The following LAMB4 variants were observed in gnomAD, a reference collection of about 807,000 sequenced individuals.
The protein encoded by LAMB4 is laminin subunit beta-4.
In LAMB4, 196 loss-of-function variants were observed where a neutral mutation model predicts 199.2. The ratio of observed to expected loss-of-function variants is 0.98; its 90% CI spans 0.88 to 1.11. The LOEUF (loss-of-function observed/expected upper bound fraction) is 1.11. LAMB4 is among the 50% of genes least tolerant of loss of function. The probability of loss-of-function intolerance (pLI) is 0.00; values close to 1 mark genes in which losing one functional copy is unlikely to be tolerated. For missense variants in LAMB4, 2,080 were observed against 2,171.2 expected (o/e 0.96, Z 0.83); for synonymous variants, 744 against 770.6 (o/e 0.97, Z 0.57).
intron 14 of LAMB4, among the ~76,000 whole-genome samples, chr7:108,088,439 C>T (rs896718434): frequency 1.3e-5 from 2 of 152,206 alleles, no homozygotes; most frequent in Admixed American, 6.5e-5. Context: ...GCTGGGATTA[C>T]AGGCATGAGC....
At position 108,046,630 on chromosome 7, in the gene LAMB4, A is replaced by G. The variant is rs117908330; in HGVS notation, c.4326+1278T>C. On this transcript the variant is annotated intron_variant, in intron 28 of 33. Coordinates refer to ENST00000388781, the MANE Select transcript of LAMB4 (RefSeq NM_007356.3). ...AGGTAATTAAAAATGATGCTCATTT[A>G]TAAATGACCAGAAAAGTAAATGAAA... is the stretch of plus-strand genomic sequence containing the variant. Among the ~76,000 whole-genome samples, 570 of 152,256 alleles carry G rather than the reference A, an allele frequency of 3.7e-3. 24 individuals carry two copies. In the East Asian group the frequency reaches 0.097, roughly 26 times the overall value.
chr7:108,074,664 C>T (rs1584689565), intron 17 of LAMB4, among the ~76,000 whole-genome samples: 1 of 152,106 alleles, frequency 6.6e-6, no homozygotes, highest in Non-Finnish European at 1.5e-5. Flanking sequence ...TCACCATGCC[C>T]GGCCCAAATG....
chr7:108,080,809 T>C (rs2036901043), intron 14 of LAMB4, among the ~76,000 whole-genome samples: 1 of 151,352 alleles, frequency 6.6e-6, no homozygotes, highest in Non-Finnish European at 1.5e-5. Flanking sequence ...ACAATGTTTT[T>C]CAAACATTTA....
intron 28 of LAMB4, among the ~76,000 whole-genome samples, chr7:108,045,378 C>T (rs772459012): frequency 9.9e-5 from 15 of 152,176 alleles, no homozygotes; most frequent in South Asian, 2.1e-4. Context: ...CAACTGACTC[C>T]TGAGAATTCT....
intron 31 of LAMB4, among the ~76,000 whole-genome samples, chr7:108,031,369 G>GAAAAAAAAAAAAAAAAAAAAA (rs371230419): frequency 1.2e-5 from 1 of 81,164 alleles, no homozygotes; most frequent in Non-Finnish European, 2.5e-5. Context: ...AAAAGGAAAA[G>GAAAAAAAAAAAAAAAAAAAAA]AAAAAAAAAA....
In LAMB4 at chr7:108,098,385, C is replaced by G. The variant is rs745357579; in HGVS notation, c.1360+18G>C. On this transcript the variant is annotated intron_variant, in intron 11 of 33. Coordinates refer to ENST00000388781, the MANE Select transcript of LAMB4 (RefSeq NM_007356.3). Reference sequence around the variant, plus strand: ...AGGGGTTGATGGACACTCCCCCGACCCCCGATTATGGACTTACGCTGGCAG... The same window carrying G: ...AGGGGTTGATGGACACTCCCCCGACGCCCGATTATGGACTTACGCTGGCAG... 6.5e-7 allele frequency: 1 copy of G among 1,547,116 alleles called. No individual in the cohort carries two copies. The highest frequency in any genetic ancestry group is 8.7e-7 in the Non-Finnish European group (1 of 1,145,606).
At chr7:108,099,080 T>C (rs1310880493) in intron 10 of LAMB4, among the ~76,000 whole-genome samples, 1 of 152,184 alleles carries the variant, frequency 6.6e-6, no homozygotes, top group East Asian at 1.9e-4. Context: ...AAAGTAAGTC[T>C]CTCCTCTATC....
At chr7:108,105,360 C>G (rs573818108) in intron 8 of LAMB4, among the ~76,000 whole-genome samples, 1 of 152,304 alleles carries the variant, frequency 6.6e-6, no homozygotes, top group East Asian at 1.9e-4. Flanking sequence ...GCATTGACTA[C>G]AGGGTCTTGC....
At chr7:108,095,498 T>C (rs752088763) in intron 11 of LAMB4, among the ~76,000 whole-genome samples, 161 bp from the exon 12 acceptor site, 2 of 152,356 alleles carry the variant, frequency 1.3e-5, no homozygotes, top group Non-Finnish European at 2.9e-5. Flanking sequence ...TTGTTTTGCA[T>C]ATAACCTCAC....
At chr7:108,048,573 G>A (rs2035724569) in intron 27 of LAMB4, among the ~76,000 whole-genome samples, 1 of 152,044 alleles carries the variant, frequency 6.6e-6, no homozygotes, top group African/African-American at 2.4e-5. Context: ...ACATTTCCTA[G>A]GTAACTAAAC....
intron 9 of LAMB4, among the ~76,000 whole-genome samples, 185 bp downstream of exon 9, chr7:108,104,314 A>G (rs411396): frequency 0.39 from 59,272 of 152,044 alleles, 11,851 homozygotes; most frequent in Admixed American, 0.42. Context: ...GTGGTGGGAG[A>G]GTTGGAGAAG....
Position 108,123,215 on chromosome 7 carries a change from T to G in LAMB4, c.-33-18A>C. On this transcript the variant is annotated intron_variant, in intron 1 of 33. Transcript: ENST00000388781. ...CAATTCTACTGGGTTAAAAAAAGGT[T>G]AAAGTCAATCACTGATAGAAGAAAT... 38 of 1,472,544 alleles carry G rather than the reference T, an allele frequency of 2.6e-5. No homozygotes were observed. Among genetic ancestry groups the G allele is most frequent in the Non-Finnish European group, 3.6e-5 (38 of 1,065,070 alleles). 91.2% of individuals were successfully genotyped at this position (1,472,544 alleles called of 1,614,324 possible).
intron 22 of LAMB4, 59 bp downstream of exon 22, chr7:108,063,702 C>A: frequency 2.1e-6 from 3 of 1,432,286 alleles, no homozygotes; most frequent in Non-Finnish European, 3.0e-6. Flanking sequence ...GAGCTGACAA[C>A]ACACTTATGA....
intron 14 of LAMB4, among the ~76,000 whole-genome samples, chr7:108,084,672 C>A (rs1477323694): frequency 6.6e-6 from 1 of 151,446 alleles, no homozygotes; most frequent in East Asian, 1.9e-4. Flanking sequence ...CTAACGTGAT[C>A]GAGTTAGCAG....
chr7:108,039,712 G>A (rs549517132), intron 29 of LAMB4, among the ~76,000 whole-genome samples: 65 of 152,162 alleles, frequency 4.3e-4, no homozygotes, highest in Non-Finnish European at 7.5e-4. Context: ...CATGTGATCC[G>A]CCTGCCTCGG....
intron 13 of LAMB4, 123 bp from the exon 14 acceptor site, chr7:108,091,899 T>C: frequency 1.1e-6 from 1 of 941,234 alleles, no homozygotes; most frequent in Non-Finnish European, 1.6e-6. Flanking sequence ...CAATCAATGG[T>C]CCTGTGGGAA....
chr7:108,105,002 G>A (rs993033311), intron 8 of LAMB4, among the ~76,000 whole-genome samples: 8 of 152,046 alleles, frequency 5.3e-5, no homozygotes, highest in South Asian at 2.1e-4. Flanking sequence ...AAAAGGGAAC[G>A]AAGCTGAAGA....
At chr7:108,041,612 G>A (rs2035424594) in intron 29 of LAMB4, among the ~76,000 whole-genome samples, 1 of 152,162 alleles carries the variant, frequency 6.6e-6, no homozygotes, top group South Asian at 2.1e-4. Flanking sequence ...GATAGAGCTG[G>A]AGGCCATTAT....
At chr7:108,038,657 T>C (rs2035314456) in intron 29 of LAMB4, among the ~76,000 whole-genome samples, 1 of 152,196 alleles carries the variant, frequency 6.6e-6, no homozygotes, top group Non-Finnish European at 1.5e-5. Context: ...AGATTTTTTG[T>C]GTGTGATTTT....
Sources: gnomAD v4.1 joint callset for allele counts (sites outside exome capture counted in the v4.1 genomes callset) on GRCh38, gnomAD v4.1.1 for gene constraint, MANE v1.5 for transcripts, NCBI Gene and HGNC (gene_info 2026-07-23, HGNC 2026-07-21) for gene names.